The following GBF1 variants were observed in gnomAD, a reference collection of about 807,000 sequenced individuals.
The protein encoded by GBF1 is golgi brefeldin A resistant guanine nucleotide exchange factor 1.
GBF1 carries 114 observed loss-of-function variants against 210.5 expected under a neutral mutation model. That is an observed-to-expected ratio of 0.54 (90% CI 0.47 to 0.63). The LOEUF is 0.63. Among genes scored for constraint, GBF1 ranks in the 30% least tolerant of loss-of-function variants. The probability of loss-of-function intolerance (pLI) is 0.00; values close to 1 mark genes in which losing one functional copy is unlikely to be tolerated. For synonymous variants in GBF1, 850 were observed against 889.2 expected, an observed-to-expected ratio of 0.96 and a Z score of 0.78; for missense variants, 1,851 against 2,357.7, an observed-to-expected ratio of 0.79 and a Z score of 4.45.
upstream of GBF1, among the ~76,000 whole-genome samples, chr10:102,242,884 G>A (rs927377415): frequency 1.7e-4 from 25 of 147,456 alleles, no homozygotes; most frequent in African/African-American, 5.8e-4. Flanking sequence ...AGCTGAGATC[G>A]CGCCACTGCA....
chr10:102,377,620 T>A (rs1274090882), intron 33 of GBF1, among the ~76,000 whole-genome samples: 1 of 152,196 alleles, frequency 6.6e-6, no homozygotes, highest in Non-Finnish European at 1.5e-5. Context: ...CTCAAAGTGC[T>A]AGGATTACAG....
chr10:102,324,618 G>A (rs1336068596), intron 3 of GBF1, among the ~76,000 whole-genome samples: 1 of 151,898 alleles, frequency 6.6e-6, no homozygotes, highest in Non-Finnish European at 1.5e-5. Context: ...ACGGAGTTTC[G>A]CTCTGTCACC....
At chr10:102,319,410 C>A (rs1026935868) in intron 3 of GBF1, among the ~76,000 whole-genome samples, 2 of 152,206 alleles carry the variant, frequency 1.3e-5, no homozygotes, top group African/African-American at 2.4e-5. Context: ...CATTTGAATT[C>A]ATTATTCAAG....
Position 102,363,506 on chromosome 10 carries a change from G to A in GBF1, c.2017+110G>A, listed in dbSNP as rs1182462798. The A allele has an allele frequency of 3.0e-5, 33 of 1,087,980 alleles. No homozygotes were observed. The highest frequency in any genetic ancestry group is 6.7e-5 in the Admixed American group (3 of 45,052). The allele number at this position is 1,087,980 out of a possible 1,614,324, so 67.4% of individuals were successfully genotyped here. On this transcript the variant is annotated intron_variant, in intron 16 of 39. Coordinates refer to ENST00000369983, the MANE Select transcript of GBF1 (RefSeq NM_001377137.1). This position sits in a 1 kb window ranked among gnomAD's most constrained non-coding sequence, Gnocchi z 4.2. Reference sequence around the variant, plus strand: ...GTAACTAAGCAAGCCTTGGTAGCCCGCCTCGCCTTCAGACTCAGAGAGAGG... The same window carrying A: ...GTAACTAAGCAAGCCTTGGTAGCCCACCTCGCCTTCAGACTCAGAGAGAGG...
intron 3 of GBF1, among the ~76,000 whole-genome samples, chr10:102,331,788 C>T (rs2057350890): frequency 1.3e-5 from 2 of 151,852 alleles, no homozygotes; most frequent in African/African-American, 4.8e-5. Context: ...CTCAAGTGAT[C>T]CACCCCACAC....
intron 2 of GBF1, among the ~76,000 whole-genome samples, chr10:102,259,558 A>G (rs2072922177): frequency 6.6e-6 from 1 of 152,122 alleles, no homozygotes; most frequent in African/African-American, 2.4e-5. Flanking sequence ...GAATTGTGTA[A>G]AACAATTTTT....
chr10:102,331,057 A>G (rs1381682718), intron 3 of GBF1, among the ~76,000 whole-genome samples: 3 of 152,270 alleles, frequency 2.0e-5, no homozygotes, highest in East Asian at 1.9e-4. Context: ...ATTTACGGAA[A>G]GCAGCCTGCT....
intron 3 of GBF1, among the ~76,000 whole-genome samples, chr10:102,293,350 A>G (rs1374909863): frequency 6.6e-6 from 1 of 152,256 alleles, no homozygotes; most frequent in Admixed American, 6.5e-5. Context: ...AGCATAGCAC[A>G]TAAATTATGT....
In GBF1 at chr10:102,362,551, G is replaced by A. The variant is rs2135067178; in HGVS notation, c.1763G>A (p.Ser588Asn). The part of the protein sequence containing the change: ...SLDALLTVID[S>N]TEAHCQAKVL... ...GATGCCCTATTGACAGTGATTGACA[G>A]CACCGAGGCCCACTGCCAGGCTAAA... Residue 588 changes from serine (S) to asparagine (N), a missense_variant, in exon 15 of 40, where the codon AGC (serine) becomes AAC (asparagine). Ser to Asn is a conservative substitution (Grantham distance 46). Around this residue, in one of 3 missense-constraint regions of GBF1, gnomAD observed 804 missense variants for 958.6 expected, o/e 0.84. Transcript: ENST00000369983. 1 of 1,613,800 alleles carries A rather than the reference G, an allele frequency of 6.2e-7. No homozygotes were observed. The highest frequency in any genetic ancestry group is 8.5e-7 in the Non-Finnish European group (1 of 1,179,714).
At chr10:102,354,393 A>G in intron 8 of GBF1, among the ~76,000 whole-genome samples, 1 of 152,136 alleles carries the variant, frequency 6.6e-6, no homozygotes, top group East Asian at 1.9e-4. Flanking sequence ...TCCTCAACAA[A>G]CTGGAGCTAA....
In GBF1 at chr10:102,352,797, TGGGAAA is replaced by T. The variant is rs542752225; in HGVS notation, c.584+285_584+290del. On this transcript the variant is annotated intron_variant, in intron 7 of 39. Transcript: ENST00000369983. ...TGTCTGTTTCTGTGCAGGTAGCAGC[TGGGAAA>T]GGGAACCCAGAGAGGAAGCCAAACT... Among the ~76,000 whole-genome samples, 28 of 152,242 alleles carry T rather than the reference TGGGAAA, an allele frequency of 1.8e-4. No individual in the cohort carries two copies. The East Asian group carries it at 5.2e-3, about 28-fold the overall frequency.
At chr10:102,362,050 CT>C (rs1164670758) in intron 14 of GBF1, 138 bp downstream of exon 14, 27,530 of 124,894 alleles carry the variant, frequency 0.22, 885 homozygotes, top group South Asian at 0.26. Flanking sequence ...CTTTTCTTTT[CT>C]TTTTTTTTTT....
chr10:102,243,166 T>C (rs2070582567), upstream of GBF1, among the ~76,000 whole-genome samples: 3 of 152,142 alleles, frequency 2.0e-5, no homozygotes. Flanking sequence ...ATATTGTCAA[T>C]TCCTACTCCT....
Position 102,377,075 on chromosome 10 carries a change from G to A in GBF1, c.4429G>A (p.Asp1477Asn). The change falls in exon 33 of 40, where the codon GAT becomes AAT. Residue 1477 changes from aspartate (D) to asparagine (N), a missense_variant. By Grantham distance (23) the Asp-to-Asn change is conservative. This residue lies in a region of GBF1 where 967 missense variants were observed against 1,247.7 expected (regional missense o/e 0.78). Coordinates refer to ENST00000369983, the MANE Select transcript of GBF1 (RefSeq NM_001377137.1). ...SQHASRGGQS[D>N]DDEDEGVPAS... Reference sequence around the variant, plus strand: ...ACATGCCTCTCGGGGCGGGCAGAGTGATGATGATGAGGACGAAGGCGTGCC... The same window carrying A: ...ACATGCCTCTCGGGGCGGGCAGAGTAATGATGATGAGGACGAAGGCGTGCC... 1 of 1,614,012 alleles carries A rather than the reference G, an allele frequency of 6.2e-7. No homozygotes were observed. The highest frequency in any genetic ancestry group is 8.5e-7 in the Non-Finnish European group (1 of 1,179,868).
intron 8 of GBF1, 151 bp from the exon 9 acceptor site, chr10:102,357,888 A>G: frequency 1.6e-6 from 1 of 641,298 alleles, no homozygotes; most frequent in Non-Finnish European, 2.8e-6. Flanking sequence ...TTAGAAGAGT[A>G]GGAATGTGAA....
chr10:102,356,751 A>AGT (rs1258092580), intron 8 of GBF1, among the ~76,000 whole-genome samples: 1 of 144,568 alleles, frequency 6.9e-6, no homozygotes, highest in Non-Finnish European at 1.5e-5. Flanking sequence ...TGGGTGGCAC[A>AGT]GTGAGACTCT....
chr10:102,314,661 A>T (rs1291933088), intron 3 of GBF1, among the ~76,000 whole-genome samples: 3 of 152,078 alleles, frequency 2.0e-5, no homozygotes, highest in Admixed American at 6.5e-5. Flanking sequence ...GGGTAAGGAG[A>T]TGGAGTAGCC....
chr10:102,299,630 A>G (rs2077176697), intron 3 of GBF1, among the ~76,000 whole-genome samples: 1 of 152,142 alleles, frequency 6.6e-6, no homozygotes, highest in African/African-American at 2.4e-5. Context: ...TAAAAATACA[A>G]AATTAGCAGG....
At chr10:102,325,658 G>A (rs977916612) in intron 3 of GBF1, among the ~76,000 whole-genome samples, 16 of 148,946 alleles carry the variant, frequency 1.1e-4, no homozygotes, top group African/African-American at 3.7e-4. Context: ...TTTTGTTTTT[G>A]TTTTTTTTTA....
Sources: gnomAD v4.1 joint callset for allele counts (sites outside exome capture counted in the v4.1 genomes callset) on GRCh38, gnomAD v4.1.1 for gene constraint, gnomAD v4.1.1 regional missense constraint, Gnocchi (gnomAD v3.1) non-coding constraint, MANE v1.5 for transcripts, NCBI Gene and HGNC (gene_info 2026-07-23, HGNC 2026-07-21) for gene names.